The following KRT72 variants were observed in gnomAD, a reference collection of about 807,000 sequenced individuals.
The protein encoded by KRT72 is keratin 72.
In KRT72, 44 loss-of-function variants were observed where a neutral mutation model predicts 44.7. The observed-to-expected ratio is 0.98, with a 90% confidence interval of 0.77 to 1.27. The LOEUF is 1.27. Among genes scored for constraint, KRT72 ranks in the 50% most tolerant of loss-of-function variants. The probability of loss-of-function intolerance (pLI) is 0.00; values close to 1 mark genes in which losing one functional copy is unlikely to be tolerated. For missense variants in KRT72, 736 were observed against 667.1 expected, an observed-to-expected ratio of 1.10 and a Z score of -1.14; for synonymous variants, 302 against 280.4, an observed-to-expected ratio of 1.08 and a Z score of -0.77.
chr12:52,599,166 A>T, intron 1 of KRT72, 54 bp from the exon 2 acceptor site: 1 of 1,575,134 alleles, frequency 6.3e-7, no homozygotes, highest in Non-Finnish European at 8.7e-7. Flanking sequence ...GCCTCTCAAG[A>T]GTGGGGAAAG....
chr12:52,593,106 GC>G (rs1280405749), intron 2 of KRT72, among the ~76,000 whole-genome samples, 154 bp from the exon 3 acceptor site: 1 of 152,154 alleles, frequency 6.6e-6, no homozygotes, highest in African/African-American at 2.4e-5. Flanking sequence ...GAGGATGCAG[GC>G]AAGGACATAG....
Position 52,585,938 on chromosome 12 carries a change from G to A in KRT72, c.*44C>T. 4 of 1,552,642 alleles carry A rather than the reference G, an allele frequency of 2.6e-6. No individual in the cohort carries two copies. Among genetic ancestry groups the A allele is most frequent in the Non-Finnish European group, 2.6e-6 (3 of 1,134,702 alleles). On this transcript the variant is annotated 3_prime_UTR_variant, in exon 9 of 9. Transcript: ENST00000293745. ...CCAGGGAAGGAGAGGGAGGAGACGG[G>A]TGAGTTGGGAAGCCTTCTGCTCACA... is the stretch of plus-strand genomic sequence containing the variant.
Position 52,585,920 on chromosome 12 carries a change from A to C in KRT72, c.*62T>G. ...TTGACTTGGAAAGGGAGCCCAGGGA[A>C]GGAGAGGGAGGAGACGGGTGAGTTG... On this transcript the variant is annotated 3_prime_UTR_variant, in exon 9 of 9. Transcript: ENST00000293745. 3 of 1,426,144 alleles carry C rather than the reference A, an allele frequency of 2.1e-6. No individual in the cohort carries two copies. Among genetic ancestry groups the C allele is most frequent in the Non-Finnish European group, 2.9e-6 (3 of 1,029,784 alleles). 88.3% of individuals were successfully genotyped at this position (1,426,144 alleles called of 1,614,324 possible). A position where few individuals can be genotyped will look rare whatever the true frequency, so the allele number is the denominator to read the frequency against.
chr12:52,587,318 G>A lies in KRT72; in HGVS notation c.1310+313C>T, dbSNP rs527901783. 3.9e-5 allele frequency among the ~76,000 whole-genome samples: 6 copies of A among 152,216 alleles called. No individual in the cohort carries two copies. The South Asian group carries it at 8.3e-4, about 21-fold the overall frequency. On this transcript the variant is annotated intron_variant, in intron 7 of 8. Coordinates refer to ENST00000293745, the MANE Select transcript of KRT72 (RefSeq NM_080747.3). ...TTGGAGCCCCAGGCTTTGCTGGAGC[G>A]ACCTTGAACTTGGACAGCCCTTAGA...
intron 2 of KRT72, among the ~76,000 whole-genome samples, chr12:52,596,493 CA>C (rs1409545145): frequency 3.3e-5 from 5 of 151,792 alleles, no homozygotes; most frequent in African/African-American, 1.2e-4. Flanking sequence ...TAACTCAACC[CA>C]AAATAAGTCT....
At chr12:52,602,765 C>T (rs1473106856), upstream of KRT72, among the ~76,000 whole-genome samples, 7 of 152,206 alleles carry the variant, frequency 4.6e-5, no homozygotes, top group East Asian at 9.6e-4. Context: ...TTCAGTGATA[C>T]CCTGAAGGCT....
chr12:52,601,256 C>G lies in KRT72; in HGVS notation c.197G>C (p.Arg66Pro), dbSNP rs189178192. The G allele has an allele frequency of 1.2e-5, 19 of 1,563,300 alleles. No individual in the cohort carries two copies. The highest frequency in any genetic ancestry group is 9.5e-5 in the African/African-American group (7 of 73,846). The change falls in exon 1 of 9, where the codon CGG (arginine) becomes CCG (proline). Residue 66 changes from arginine (R) to proline (P), a missense_variant. By Grantham distance (103) the Arg-to-Pro change is moderately radical. Coordinates refer to ENST00000293745, the MANE Select transcript of KRT72 (RefSeq NM_080747.3). ...GAAGCCGCCCAGGCGGCCGCCGCCC[C>G]GCCGTGCAGCAGCGCTGAGCGCCAG... ...RSLALSAAAR[R>P]GGGRLGGFVG...
In KRT72 at chr12:52,590,971, G is replaced by C. The variant is rs766051563; in HGVS notation, c.964-10C>G. 6.3e-7 allele frequency: 1 copy of C among 1,580,254 alleles called. No individual in the cohort carries two copies. The highest frequency in any genetic ancestry group is 1.2e-5 in the South Asian group (1 of 86,228). ...CCTGCAGCTCCTGGATCTGAGGTTG[G>C]GTGACAAGAGAAGAGGAACACAAGG... On this transcript the variant is annotated splice_polypyrimidine_tract_variant and intron_variant, in intron 5 of 8. Coordinates refer to ENST00000293745, the MANE Select transcript of KRT72 (RefSeq NM_080747.3).
chr12:52,597,322 A>G lies in KRT72; in HGVS notation c.641+1576T>C, dbSNP rs190507073. On this transcript the variant is annotated intron_variant, in intron 2 of 8. Coordinates refer to ENST00000293745, the MANE Select transcript of KRT72 (RefSeq NM_080747.3). ...CACTGTGCATCTTCTAGAAACTCAC[A>G]GTTTAACAGGAAGGCAAATGCACTG... 3.8e-3 allele frequency among the ~76,000 whole-genome samples: 574 copies of G among 152,354 alleles called. 2 individuals carry two copies. Among genetic ancestry groups the G allele is most frequent in the Non-Finnish European group, 6.9e-3 (470 of 68,038 alleles).
chr12:52,598,428 A>G (rs1035237945), intron 2 of KRT72, among the ~76,000 whole-genome samples: 6 of 152,132 alleles, frequency 3.9e-5, no homozygotes, highest in African/African-American at 1.4e-4. Flanking sequence ...GGAGGACACA[A>G]CCTCTGGTTC....
At chr12:52,591,779 G>GAAGT in intron 4 of KRT72, 151 bp from the exon 5 acceptor site, 1 of 733,650 alleles carries the variant, frequency 1.4e-6, no homozygotes, top group Non-Finnish European at 2.2e-6. Context: ...GGCACGTGAA[G>GAAGT]AAGTGCCTTA....
intron 1 of KRT72, 60 bp from the exon 2 acceptor site, chr12:52,599,172 G>A (rs879396709): frequency 6.4e-7 from 1 of 1,554,728 alleles, no homozygotes; most frequent in African/African-American, 1.4e-5. Context: ...CAAGAGTGGG[G>A]AAAGGGCCCC....
At chr12:52,598,207 G>A (rs932194146) in intron 2 of KRT72, among the ~76,000 whole-genome samples, 3 of 152,224 alleles carry the variant, frequency 2.0e-5, no homozygotes, top group Non-Finnish European at 2.9e-5. Flanking sequence ...TTGGGCCAGG[G>A]TTCTGCTTTG....
rs151190349 is a variant in KRT72 at position 52,601,088 on chromosome 12, C to G, written c.365G>C (p.Arg122Pro). Residue 122 changes from arginine to proline, a missense_variant, in exon 1 of 9, where the codon CGC (arginine) becomes CCC (proline). Physicochemically the swap from Arg to Pro is moderately radical, Grantham distance 103 (BLOSUM62 -2). Coordinates refer to ENST00000293745, the MANE Select transcript of KRT72 (RefSeq NM_080747.3). ...CTTGATCTGCTCCCGCTCCTGGGCGCGCACCCTCTGGATCTCGGGGTCCAT... is the reference window on the plus strand; with the variant it reads ...CTTGATCTGCTCCCGCTCCTGGGCGGGCACCCTCTGGATCTCGGGGTCCAT... ...VEMDPEIQRV[R>P]AQEREQIKAL... The G allele has an allele frequency of 1.9e-6, 3 of 1,612,516 alleles. No individual in the cohort carries two copies. The highest frequency in any genetic ancestry group is 2.5e-6 in the Non-Finnish European group (3 of 1,179,478).
chr12:52,592,450 G>C lies in KRT72; in HGVS notation c.744C>G (p.Ala248=). The C allele has an allele frequency of 6.2e-7, 1 of 1,614,090 alleles. No homozygotes were observed. Among genetic ancestry groups the C allele is most frequent in the Middle Eastern group, 1.7e-4 (1 of 6,060 alleles). ...TCTCATCTGTCAAGGAGTCCACCTT[G>C]GCCTGGAGCTCAACCTTATTCATGT... ...AAYMNKVELQ[A]KVDSLTDEIK... The change falls in exon 4 of 9, where the codon GCC becomes GCG. Residue 248 remains alanine, a synonymous_variant. Coordinates refer to ENST00000293745, the MANE Select transcript of KRT72 (RefSeq NM_080747.3).
chr12:52,600,506 G>C (rs550664064), intron 1 of KRT72, among the ~76,000 whole-genome samples: 1 of 152,270 alleles, frequency 6.6e-6, no homozygotes, highest in East Asian at 1.9e-4. Flanking sequence ...GTTGTGGGAG[G>C]GACCCAGGGG....
chr12:52,598,190 G>A (rs1940283575), intron 2 of KRT72, among the ~76,000 whole-genome samples: 1 of 152,238 alleles, frequency 6.6e-6, no homozygotes, highest in South Asian at 2.1e-4. Context: ...GGTTCTCCAT[G>A]CAGGGCTTGG....
chr12:52,591,619 G>T lies in KRT72; in HGVS notation c.808C>A (p.Gln270Lys). Reference protein sequence around the residue: ...FKCLYEGEITQIQSHISDTSI... With the variant: ...FKCLYEGEITKIQSHISDTSI... ...GTGTCGCTGATGTGGGACTGGATCT[G>T]AGTGATCTCCTGGGGACGGTTGGGG... Residue 270 changes from glutamine to lysine, a missense_variant, in exon 5 of 9, where the codon CAG becomes AAG. Physicochemically the swap from Gln to Lys is moderately conservative, Grantham distance 53. Coordinates refer to ENST00000293745, the MANE Select transcript of KRT72 (RefSeq NM_080747.3). 1.9e-6 allele frequency: 3 copies of T among 1,611,560 alleles called. No individual in the cohort carries two copies. The highest frequency in any genetic ancestry group is 2.5e-6 in the Non-Finnish European group (3 of 1,177,962).
At chr12:52,588,971 G>T (rs1246977473) in intron 6 of KRT72, among the ~76,000 whole-genome samples, 2 of 149,316 alleles carry the variant, frequency 1.3e-5, no homozygotes, top group Admixed American at 1.3e-4. Flanking sequence ...CAGAACTCCA[G>T]CCTGGGTGAC....
Sources: gnomAD v4.1 joint callset for allele counts (sites outside exome capture counted in the v4.1 genomes callset) on GRCh38, gnomAD v4.1.1 for gene constraint, MANE v1.5 for transcripts, NCBI Gene and HGNC (gene_info 2026-07-23, HGNC 2026-07-21) for gene names.